The following TP63 variants were observed in gnomAD, a reference collection of about 807,000 sequenced individuals.
TP63 encodes the protein tumor protein p63.
A neutral mutation model predicts 82.8 loss-of-function variants in TP63; 17 were observed. The ratio of observed to expected loss-of-function variants is 0.21; its 90% CI spans 0.14 to 0.31. TP63 has a LOEUF of 0.31. TP63 is among the 10% of genes least tolerant of loss of function. The probability of loss-of-function intolerance (pLI) is 1.00; values close to 1 mark genes in which losing one functional copy is unlikely to be tolerated. For missense variants in TP63, 648 were observed against 895.3 expected (o/e 0.72, Z 3.52); for synonymous variants, 330 against 321.7 (o/e 1.03, Z -0.28).
At chr3:189,660,971 CCT>C (rs1026953959) in intron 1 of TP63, among the ~76,000 whole-genome samples, 4 of 151,882 alleles carry the variant, frequency 2.6e-5, no homozygotes, top group Admixed American at 1.3e-4. Flanking sequence ...GTTCTCAAAG[CCT>C]TTTGGTGGAG....
chr3:189,633,366 C>T (rs1378752706), intron 1 of TP63, among the ~76,000 whole-genome samples: 1 of 151,928 alleles, frequency 6.6e-6, no homozygotes, highest in Admixed American at 6.6e-5. Flanking sequence ...TTTTCCTGAT[C>T]CTATCCCTCC....
intron 4 of TP63, among the ~76,000 whole-genome samples, chr3:189,829,025 T>C (rs1172650406): frequency 6.6e-6 from 1 of 152,198 alleles, no homozygotes; most frequent in Non-Finnish European, 1.5e-5. Context: ...GTGAATAGAA[T>C]TATAAAATCT....
intron 3 of TP63, among the ~76,000 whole-genome samples, chr3:189,741,253 G>C (rs527633034): frequency 3.3e-5 from 5 of 151,722 alleles, no homozygotes; most frequent in Non-Finnish European, 7.4e-5. Flanking sequence ...AAATCCTGGG[G>C]CTTCTCTTGC....
intron 1 of TP63, among the ~76,000 whole-genome samples, chr3:189,678,249 A>G (rs1346414042): frequency 6.6e-6 from 1 of 152,130 alleles, no homozygotes; most frequent in Non-Finnish European, 1.5e-5. Flanking sequence ...TATTTAATCC[A>G]TCTTGAGTTA....
intron 9 of TP63, among the ~76,000 whole-genome samples, chr3:189,870,828 G>A (rs1310501377): frequency 6.6e-6 from 1 of 152,074 alleles, no homozygotes; most frequent in African/African-American, 2.4e-5. Flanking sequence ...AGCCAAGCAG[G>A]GCCAGGAGAT....
chr3:189,627,882 T>G (rs746228879), upstream of TP63, among the ~76,000 whole-genome samples: 23 of 152,158 alleles, frequency 1.5e-4, no homozygotes, highest in Non-Finnish European at 2.2e-4. Flanking sequence ...TGTATGTAAA[T>G]TATACCTCAT....
chr3:189,738,959 A>T, intron 3 of TP63, 185 bp downstream of exon 3: 1 of 746,840 alleles, frequency 1.3e-6, no homozygotes, highest in Non-Finnish European at 2.2e-6. Context: ...TCTGCCGCAA[A>T]TATCTATAAT....
rs549608906 is a variant in TP63, at chr3:189,880,555, A to G, written c.1350-5839A>G. ...CTTCTGTTGTTTTTCTAAAATTCACAGGGAAGCTTTTGAGCAGGTCTCAAA... is the reference window on the plus strand; with the variant it reads ...CTTCTGTTGTTTTTCTAAAATTCACGGGGAAGCTTTTGAGCAGGTCTCAAA... On this transcript the variant is annotated intron_variant, in intron 10 of 13. Transcript: ENST00000264731. 1.3e-4 allele frequency: 126 copies of G among 988,856 alleles called. 3 individuals carry two copies. The South Asian group carries it at 5.1e-3, about 40-fold the overall frequency. The allele number at this position is 988,856 out of a possible 1,614,324, so 61.3% of individuals were successfully genotyped here. A position where few individuals can be genotyped will look rare whatever the true frequency, so the allele number is the denominator to read the frequency against.
intron 1 of TP63, among the ~76,000 whole-genome samples, chr3:189,704,215 C>G (rs1191389126): frequency 6.6e-6 from 1 of 152,228 alleles, no homozygotes; most frequent in Admixed American, 6.5e-5. Flanking sequence ...ATGTGTGTGG[C>G]TGTCCTGCTC....
intron 9 of TP63, among the ~76,000 whole-genome samples, chr3:189,870,458 T>C (rs1718279590): frequency 1.3e-5 from 2 of 152,174 alleles, no homozygotes; most frequent in African/African-American, 4.8e-5. Flanking sequence ...AGGATATGCA[T>C]AGGTTACGTG....
Position 189,649,710 on chromosome 3 carries a change from A to C in TP63, c.62+18133A>C, listed in dbSNP as rs183261388. ...CAGATTAAGAGACTCAATGAATTCA[A>C]CTGCATTTTAGAGATCTGAGCGACA... On this transcript the variant is annotated intron_variant, in intron 1 of 13. Coordinates refer to ENST00000264731, the MANE Select transcript of TP63 (RefSeq NM_003722.5). Among the ~76,000 whole-genome samples, 39 of 146,922 alleles carry C rather than the reference A, an allele frequency of 2.7e-4. 1 individual carries two copies. Among genetic ancestry groups the C allele is most frequent in the Admixed American group, 1.9e-3 (28 of 14,924 alleles).
chr3:189,885,556 A>C (rs1309032827), intron 10 of TP63, among the ~76,000 whole-genome samples: 3 of 152,246 alleles, frequency 2.0e-5, no homozygotes, highest in Non-Finnish European at 4.4e-5. Context: ...TGTAGTACAC[A>C]TCACTAGTTT....
At chr3:189,610,420 G>A in the TP63 span, among the ~76,000 whole-genome samples, 1 of 152,148 alleles carries the variant, frequency 6.6e-6, no homozygotes, top group Non-Finnish European at 1.5e-5. Context: ...TCTCTCTCAA[G>A]TTCAAAGTTC....
chr3:189,790,176 T>TA (rs1724991605), intron 3 of TP63, among the ~76,000 whole-genome samples: 1 of 152,074 alleles, frequency 6.6e-6, no homozygotes, highest in Non-Finnish European at 1.5e-5. Flanking sequence ...TTGCAATGAA[T>TA]CCTCTGATGG....
Position 189,777,845 on chromosome 3 carries a change from C to CTTTTTTTTTTTTTTTTT in TP63, c.325-30415_325-30399dup, listed in dbSNP as rs55731981. Among the ~76,000 whole-genome samples, 11 of 37,770 alleles carry CTTTTTTTTTTTTTTTTT rather than the reference C, an allele frequency of 2.9e-4. 1 individual carries two copies. Among genetic ancestry groups the CTTTTTTTTTTTTTTTTT allele is most frequent in the African/African-American group, 3.5e-4 (3 of 8,514 alleles). 24.8% of individuals were successfully genotyped at this position (37,770 alleles called of 152,430 possible). ...GAGTCTTCTTCTTCTTCTTCTTCTT[C>CTTTTTTTTTTTTTTTTT]TTTTTTTTTTTTTTTTTTTTTTTTT... is the stretch of plus-strand genomic sequence containing the variant. On this transcript the variant is annotated intron_variant, in intron 3 of 13. Transcript: ENST00000264731.
chr3:189,880,155 C>A, intron 10 of TP63: 1 of 1,613,748 alleles, frequency 6.2e-7, no homozygotes, highest in East Asian at 2.2e-5. Context: ...TTCCAAGCCC[C>A]CAAACCGATC....
chr3:189,841,818 A>G (rs1341241518), intron 4 of TP63, among the ~76,000 whole-genome samples: 1 of 152,200 alleles, frequency 6.6e-6, no homozygotes, highest in Non-Finnish European at 1.5e-5. Flanking sequence ...TTTCACCTCT[A>G]GCGTCCAGGT....
intron 4 of TP63, among the ~76,000 whole-genome samples, chr3:189,848,018 T>C (rs1407254949): frequency 2.0e-5 from 3 of 152,168 alleles, no homozygotes; most frequent in South Asian, 2.1e-4. Flanking sequence ...CCTCATACTA[T>C]AACTGTTAAA....
chr3:189,749,444 C>G (rs1455334633), intron 3 of TP63, among the ~76,000 whole-genome samples: 1 of 152,152 alleles, frequency 6.6e-6, no homozygotes, highest in Non-Finnish European at 1.5e-5. Flanking sequence ...ATGAAAATGT[C>G]AGCATCACTA....
Sources: allele counts gnomAD v4.1 joint callset (sites outside exome capture counted in the v4.1 genomes callset), GRCh38; gene constraint gnomAD v4.1.1; transcripts MANE v1.5; gene names NCBI Gene and HGNC (gene_info 2026-07-23, HGNC 2026-07-21).